Variants in FIRRM observed in about 807,000 individuals in gnomAD.
FIRRM encodes the protein FIGNL1-interacting regulator of recombination and mitosis.
At chr1:169,811,134 A>G in the FIRRM span, among the ~76,000 whole-genome samples, 1 of 151,984 alleles carries the variant, frequency 6.6e-6, no homozygotes, top group African/African-American at 2.4e-5. Flanking sequence ...TGCTGGGATT[A>G]CAGGCGTGAG....
chr1:169,850,704 G>C, the FIRRM span: 5 of 175,310 alleles, frequency 2.9e-5, no homozygotes, highest in Non-Finnish European at 6.2e-5. Flanking sequence ...GCTGAGGCAG[G>C]AGAATTGCTT....
At chr1:169,802,761 G>C in the FIRRM span, 1 of 1,338,222 alleles carries the variant, frequency 7.5e-7, no homozygotes, top group Non-Finnish European at 1.1e-6. Flanking sequence ...GAGAGAGAGG[G>C]AGCTTAAAGA....
the FIRRM span, among the ~76,000 whole-genome samples, chr1:169,805,095 A>T: frequency 6.6e-6 from 1 of 152,282 alleles, no homozygotes. Flanking sequence ...CAAAGTTTGC[A>T]TTCAAAACTT....
chr1:169,829,832 C>T, the FIRRM span, among the ~76,000 whole-genome samples: 5 of 151,950 alleles, frequency 3.3e-5, no homozygotes, highest in African/African-American at 1.2e-4. Flanking sequence ...TCTAGGAATT[C>T]GATACTTGTA....
At chr1:169,802,574 C>G in the FIRRM span, 3 of 1,313,926 alleles carry the variant, frequency 2.3e-6, no homozygotes, top group Admixed American at 4.0e-5. Context: ...CTTGTCTTTT[C>G]TAGTGATTTC....
the FIRRM span, chr1:169,850,803 C>G: frequency 6.4e-6 from 1 of 156,352 alleles, no homozygotes; most frequent in African/African-American, 2.4e-5. Context: ...CAAAAAAGGA[C>G]ACTTGTAGTT....
At chr1:169,792,689 A>C in the FIRRM span, 1 of 1,613,066 alleles carries the variant, frequency 6.2e-7, no homozygotes, top group Non-Finnish European at 8.5e-7. Flanking sequence ...CTTCTGAAAG[A>C]GATGAACACC....
At chr1:169,786,598 T>A in the FIRRM span, among the ~76,000 whole-genome samples, 2 of 152,156 alleles carry the variant, frequency 1.3e-5, no homozygotes, top group African/African-American at 4.8e-5. Flanking sequence ...CACTGAATAC[T>A]TTTTTCATGC....
chr1:169,830,703 ACTG>A, the FIRRM span: 1 of 1,613,604 alleles, frequency 6.2e-7, no homozygotes, highest in Non-Finnish European at 8.5e-7. Context: ...CAGATATGGG[ACTG>A]CTGAACTGTG....
At chr1:169,845,119 TTG>T in the FIRRM span, among the ~76,000 whole-genome samples, 1 of 151,994 alleles carries the variant, frequency 6.6e-6, no homozygotes, top group Non-Finnish European at 1.5e-5. Context: ...AGATTACAGG[TTG>T]TGTTCCAGAC....
the FIRRM span, chr1:169,802,857 A>T: frequency 3.2e-6 from 2 of 618,070 alleles, no homozygotes; most frequent in South Asian, 2.2e-5. Context: ...AGAATTAAAG[A>T]CGTGAATATA....
At chr1:169,806,014 T>C in the FIRRM span, 5 of 1,597,110 alleles carry the variant, frequency 3.1e-6, no homozygotes, top group Middle Eastern at 3.3e-4. Context: ...TTATTCATTC[T>C]TTATTGGATA....
the FIRRM span, among the ~76,000 whole-genome samples, chr1:169,825,850 G>A: frequency 6.6e-6 from 1 of 152,228 alleles, no homozygotes; most frequent in East Asian, 1.9e-4. Context: ...CTCATGTATT[G>A]TCAAGTTTAC....
At chr1:169,811,554 CTG>C in the FIRRM span, among the ~76,000 whole-genome samples, 2 of 152,026 alleles carry the variant, frequency 1.3e-5, no homozygotes, top group Non-Finnish European at 2.9e-5. Context: ...ACTTGGGAGA[CTG>C]GGGTGGGAGG....
chr1:169,853,652 G>C, the FIRRM span: 7 of 1,566,992 alleles, frequency 4.5e-6, no homozygotes, highest in Non-Finnish European at 5.2e-6. Flanking sequence ...CTGCTTTTGA[G>C]GTATTGATTT....
chr1:169,820,524 AG>A, the FIRRM span, among the ~76,000 whole-genome samples: 2 of 152,206 alleles, frequency 1.3e-5, no homozygotes, highest in African/African-American at 4.8e-5. Context: ...GACTTTACTG[AG>A]GGGGATCTCT....
chr1:169,799,071 C>A, the FIRRM span: 4 of 410,476 alleles, frequency 9.7e-6, no homozygotes, highest in African/African-American at 6.1e-5. Flanking sequence ...TGTAACTGTT[C>A]TCTATGTTAC....
At chr1:169,852,021 T>G in the FIRRM span, 1 of 1,584,308 alleles carries the variant, frequency 6.3e-7, no homozygotes, top group South Asian at 1.1e-5. Flanking sequence ...CCAGTGTGGT[T>G]TCCAGCCTTA....
At chr1:169,817,327 T>C in the FIRRM span, among the ~76,000 whole-genome samples, 1 of 152,190 alleles carries the variant, frequency 6.6e-6, no homozygotes, top group Non-Finnish European at 1.5e-5. Context: ...AAATCAACTT[T>C]TGATTAAAAC....
Sources: allele counts gnomAD v4.1 joint callset (sites outside exome capture counted in the v4.1 genomes callset), GRCh38; gene constraint gnomAD v4.1.1; transcripts MANE v1.5; gene names NCBI Gene and HGNC (gene_info 2026-07-23, HGNC 2026-07-21).